The following NEGR1 variants were observed in gnomAD, a reference collection of about 807,000 sequenced individuals.
NEGR1 encodes IgLON family member 4.
Under a neutral mutation model 40.9 loss-of-function variants are expected in NEGR1, and 10 were observed. The ratio of observed to expected loss-of-function variants is 0.24; its 90% CI spans 0.15 to 0.42. The LOEUF is 0.42. NEGR1 is among the 10% of genes least tolerant of loss of function. The pLI is 1.00. For synonymous variants in NEGR1, 185 were observed against 166.8 expected (o/e 1.11, Z -0.84); for missense variants, 352 against 438.9 (o/e 0.80, Z 1.77).
In NEGR1 at chr1:71,959,996, T is replaced by C. The variant is rs1020333936; in HGVS notation, c.177-24685A>G. Among the ~76,000 whole-genome samples, 5 of 152,146 alleles carry C rather than the reference T, an allele frequency of 3.3e-5. No individual in the cohort carries two copies. The East Asian group carries it at 9.6e-4, about 29-fold the overall frequency. Reference sequence around the variant, plus strand: ...TGCCAAAAGTTGTATATCATATAAATGATAACAAATTTACAAAGGCATTCC... The same window carrying C: ...TGCCAAAAGTTGTATATCATATAAACGATAACAAATTTACAAAGGCATTCC... On this transcript the variant is annotated intron_variant, in intron 1 of 6. Transcript: ENST00000357731.
intron 2 of NEGR1, among the ~76,000 whole-genome samples, chr1:71,838,959 T>C (rs900503192): frequency 2.0e-5 from 3 of 152,064 alleles, no homozygotes; most frequent in Non-Finnish European, 2.9e-5. Flanking sequence ...TGAGAAAATG[T>C]AAGCTGTTTT....
intron 1 of NEGR1, among the ~76,000 whole-genome samples, chr1:72,004,890 A>C (rs1395094973): frequency 6.6e-6 from 1 of 152,124 alleles, no homozygotes. Context: ...AAGGCAAAAG[A>C]ATTGAAATCT....
intron 2 of NEGR1, among the ~76,000 whole-genome samples, chr1:71,834,131 T>C (rs1658933084): frequency 6.6e-6 from 1 of 152,124 alleles, no homozygotes; most frequent in Non-Finnish European, 1.5e-5. Context: ...GCCACCTACA[T>C]TGATACTGGT....
At chr1:72,083,021 C>T (rs1203140423) in intron 1 of NEGR1, among the ~76,000 whole-genome samples, 7 of 152,010 alleles carry the variant, frequency 4.6e-5, no homozygotes, top group Non-Finnish European at 1.0e-4. Context: ...ACAAAGTATG[C>T]TATGAATTTC....
chr1:72,210,290 G>A (rs1225219256), intron 1 of NEGR1, among the ~76,000 whole-genome samples: 6 of 151,794 alleles, frequency 4.0e-5, no homozygotes, highest in East Asian at 1.9e-4. Flanking sequence ...GGCATAGTGC[G>A]ACATCACTGA....
chr1:71,503,409 G>T (rs1402741293), intron 6 of NEGR1, among the ~76,000 whole-genome samples: 1 of 152,068 alleles, frequency 6.6e-6, no homozygotes, highest in Admixed American at 6.5e-5. Flanking sequence ...TACAATGCTT[G>T]CCCCCTCCAT....
rs75215667 is a variant in NEGR1 at position 71,822,699 on chromosome 1, A to G, written c.410-46402T>C. On this transcript the variant is annotated intron_variant, in intron 2 of 6. Transcript: ENST00000357731. ...TCTCACTGGAATAGATTCATTCCAT[A>G]TAGAGCTTTGTGTTTCCTGCCATTT... 2.3e-3 allele frequency among the ~76,000 whole-genome samples: 344 copies of G among 152,080 alleles called. 2 individuals carry two copies. The highest frequency in any genetic ancestry group is 8.0e-3 in the African/African-American group (331 of 41,522).
chr1:72,114,275 C>A (rs1210235178), intron 1 of NEGR1, among the ~76,000 whole-genome samples: 1 of 151,430 alleles, frequency 6.6e-6, no homozygotes, highest in Non-Finnish European at 1.5e-5. Flanking sequence ...CTTAATAGAA[C>A]AAAGACTGAT....
At chr1:72,227,385 G>A (rs555531687) in intron 1 of NEGR1, among the ~76,000 whole-genome samples, 1 of 152,026 alleles carries the variant, frequency 6.6e-6, no homozygotes, top group South Asian at 2.1e-4. Context: ...TAGGTGGACT[G>A]AGACAAAAGA....
intron 6 of NEGR1, among the ~76,000 whole-genome samples, chr1:71,423,476 A>T (rs577288747): frequency 7.2e-5 from 11 of 152,290 alleles, no homozygotes; most frequent in African/African-American, 2.6e-4. Flanking sequence ...AAATCAAGAA[A>T]AATGATTGTC....
chr1:71,972,183 G>A (rs1646262024), intron 1 of NEGR1, among the ~76,000 whole-genome samples: 1 of 152,188 alleles, frequency 6.6e-6, no homozygotes, highest in African/African-American at 2.4e-5. Context: ...GCACTGTAGT[G>A]ATTAGGGAAG....
At chr1:71,964,202 T>A (rs2100302240) in intron 1 of NEGR1, among the ~76,000 whole-genome samples, 1 of 152,300 alleles carries the variant, frequency 6.6e-6, no homozygotes, top group African/African-American at 2.4e-5. Flanking sequence ...CACAGATGCT[T>A]CTGCGTTATG....
intron 1 of NEGR1, among the ~76,000 whole-genome samples, chr1:72,091,802 G>A (rs1424274994): frequency 6.6e-6 from 1 of 152,112 alleles, no homozygotes; most frequent in Non-Finnish European, 1.5e-5. Context: ...TGGACACACA[G>A]AAGTCCAATA....
chr1:71,411,297 A>C (rs913161361), intron 6 of NEGR1, among the ~76,000 whole-genome samples: 6 of 152,146 alleles, frequency 3.9e-5, no homozygotes, highest in Non-Finnish European at 7.4e-5. Flanking sequence ...TACCTCCCTT[A>C]AGTATTTTGA....
At chr1:72,241,642 G>A (rs1654748305) in intron 1 of NEGR1, among the ~76,000 whole-genome samples, 1 of 151,522 alleles carries the variant, frequency 6.6e-6, no homozygotes, top group South Asian at 2.1e-4. Flanking sequence ...ACCATCCTTT[G>A]GTTAGACAAT....
At chr1:71,828,535 C>G (rs1348924997) in intron 2 of NEGR1, among the ~76,000 whole-genome samples, 3 of 151,644 alleles carry the variant, frequency 2.0e-5, no homozygotes, top group Non-Finnish European at 4.4e-5. Context: ...TTTCCTTTGT[C>G]TCGCTCTCTT....
chr1:71,611,052 G>T lies in NEGR1; in HGVS notation c.762C>A (p.Ala254=). ...TCTTCTCTCCTTTGTACCATTCAAAGGCTGGAGGCGGCACACCTGCACCTT... is the reference window on the plus strand; with the variant it reads ...TCTTCTCTCCTTTGTACCATTCAAATGCTGGAGGCGGCACACCTGCACCTT... ...RCEGAGVPPP[A]FEWYKGEKKL... Residue 254 remains alanine (A), a synonymous_variant, in exon 5 of 7, where the codon GCC becomes GCA. Transcript: ENST00000357731. 6.2e-7 allele frequency: 1 copy of T among 1,613,998 alleles called. No individual in the cohort carries two copies. Among genetic ancestry groups the T allele is most frequent in the Non-Finnish European group, 8.5e-7 (1 of 1,179,930 alleles).
intron 2 of NEGR1, among the ~76,000 whole-genome samples, chr1:71,909,986 T>C (rs1297771734): frequency 6.6e-6 from 1 of 152,178 alleles, no homozygotes; most frequent in Non-Finnish European, 1.5e-5. Context: ...GATTATAGCT[T>C]ACAGGAAGAA....
intron 6 of NEGR1, among the ~76,000 whole-genome samples, chr1:71,441,233 T>A (rs542238225): frequency 6.6e-6 from 1 of 152,234 alleles, no homozygotes; most frequent in Non-Finnish European, 1.5e-5. Flanking sequence ...TCAACTGATG[T>A]GAAATTAGTG....
Sources: gnomAD v4.1 joint callset for allele counts (sites outside exome capture counted in the v4.1 genomes callset) on GRCh38, gnomAD v4.1.1 for gene constraint, MANE v1.5 for transcripts, NCBI Gene and HGNC (gene_info 2026-07-23, HGNC 2026-07-21) for gene names.